MSRB3: variants seen among roughly 807,000 people sequenced by gnomAD.
MSRB3 encodes methionine-R-sulfoxide reductase B3.
A neutral mutation model predicts 21.0 loss-of-function variants in MSRB3; 13 were observed. The ratio of observed to expected loss-of-function variants is 0.62; its 90% confidence interval spans 0.40 to 0.98. The LOEUF (loss-of-function observed/expected upper bound fraction) is 0.98, where lower values mean the gene tolerates loss of function less well. Ranked by LOEUF, MSRB3 falls within the 50% of genes least tolerant of loss-of-function variation. The pLI is 0.00. For synonymous variants in MSRB3, 87 were observed against 88.6 expected (o/e 0.98, Z 0.10); for missense variants, 199 against 230.3 (o/e 0.86, Z 0.88).
At chr12:65,386,516 T>G (rs1205188746) in intron 5 of MSRB3, among the ~76,000 whole-genome samples, 1 of 151,948 alleles carries the variant, frequency 6.6e-6, no homozygotes, top group Non-Finnish European at 1.5e-5. Context: ...AAAGAAGGAA[T>G]TTGTTAGGTA....
At chr12:65,291,627 T>G (rs560303754) in intron 1 of MSRB3, among the ~76,000 whole-genome samples, 1 of 152,288 alleles carries the variant, frequency 6.6e-6, no homozygotes, top group East Asian at 1.9e-4. Context: ...AGGCACTAAC[T>G]TATCTAATCT....
At chr12:65,284,353 G>A (rs1872217026) in intron 1 of MSRB3, 2 of 152,234 alleles carry the variant, frequency 1.3e-5, no homozygotes, top group South Asian at 4.1e-4. Context: ...AACGAGAATA[G>A]CGGCACCGCA....
At chr12:65,347,331 T>C (rs1180800559) in intron 4 of MSRB3, among the ~76,000 whole-genome samples, 1 of 152,170 alleles carries the variant, frequency 6.6e-6, no homozygotes, top group African/African-American at 2.4e-5. Context: ...CTAGGTATTT[T>C]ATTCTCTTTG....
Position 65,304,779 on chromosome 12 carries a change from A to T in MSRB3, c.-51-3750A>T, listed in dbSNP as rs1161380998. 2.6e-5 allele frequency among the ~76,000 whole-genome samples: 4 copies of T among 152,238 alleles called. No homozygotes were observed. The East Asian group carries it at 7.7e-4, about 29-fold the overall frequency. ...CCTTCACTCAGACAGTTCAGGGAAT[A>T]CAAACGGGTGAAAGCTGCCGAATTG... On this transcript the variant is annotated intron_variant, in intron 1 of 6. Transcript: ENST00000308259.
intron 1 of MSRB3, among the ~76,000 whole-genome samples, chr12:65,301,706 C>G (rs559257160): frequency 6.6e-6 from 1 of 152,288 alleles, no homozygotes; most frequent in South Asian, 2.1e-4. Flanking sequence ...TGGTTTCAGA[C>G]TACCATTTGT....
At chr12:65,445,150 C>G (rs1447973791) in intron 5 of MSRB3, among the ~76,000 whole-genome samples, 1 of 152,084 alleles carries the variant, frequency 6.6e-6, no homozygotes, top group African/African-American at 2.4e-5. Flanking sequence ...TGATCCTGCC[C>G]TTCTTCACTG....
chr12:65,301,252 C>T (rs1052188111), intron 1 of MSRB3, among the ~76,000 whole-genome samples: 16 of 151,716 alleles, frequency 1.1e-4, no homozygotes, highest in African/African-American at 2.9e-4. Flanking sequence ...ATAACATATA[C>T]GAAAATGCCT....
At chr12:65,369,820 GA>G (rs984523419) in intron 5 of MSRB3, among the ~76,000 whole-genome samples, 4 of 152,066 alleles carry the variant, frequency 2.6e-5, no homozygotes, top group African/African-American at 9.7e-5. Flanking sequence ...ATAATTTACA[GA>G]AAAATATATA....
At chr12:65,381,169 A>G (rs1040964739) in intron 5 of MSRB3, among the ~76,000 whole-genome samples, 2 of 152,228 alleles carry the variant, frequency 1.3e-5, no homozygotes, top group African/African-American at 4.8e-5. Flanking sequence ...AACTGGTTCT[A>G]GAGAATTTAT....
chr12:65,297,227 G>A (rs1042333548), intron 1 of MSRB3, among the ~76,000 whole-genome samples: 2 of 152,012 alleles, frequency 1.3e-5, no homozygotes, highest in Admixed American at 6.6e-5. Flanking sequence ...TGGAGGGTGG[G>A]GTGAGGGGAG....
At chr12:65,342,037 A>G (rs1399112206) in intron 4 of MSRB3, among the ~76,000 whole-genome samples, 1 of 152,022 alleles carries the variant, frequency 6.6e-6, no homozygotes, top group Non-Finnish European at 1.5e-5. Flanking sequence ...CACTACTACA[A>G]TACAAGTTCT....
At chr12:65,420,347 T>C (rs1269329896) in intron 5 of MSRB3, among the ~76,000 whole-genome samples, 1 of 150,776 alleles carries the variant, frequency 6.6e-6, no homozygotes, top group Non-Finnish European at 1.5e-5. Context: ...ATTTTTTTTT[T>C]CCTTATGATT....
chr12:65,402,488 C>A (rs1370282369), intron 5 of MSRB3, among the ~76,000 whole-genome samples: 1 of 152,142 alleles, frequency 6.6e-6, no homozygotes, highest in Non-Finnish European at 1.5e-5. Context: ...CTTCTCTAAA[C>A]TGGTTATTCT....
intron 5 of MSRB3, among the ~76,000 whole-genome samples, chr12:65,433,081 A>G (rs1485954788): frequency 6.6e-6 from 1 of 151,994 alleles, no homozygotes; most frequent in African/African-American, 2.4e-5. Context: ...AAAAAATTAA[A>G]CATAGAATTA....
At chr12:65,447,695 G>A (rs1882682198) in intron 5 of MSRB3, among the ~76,000 whole-genome samples, 1 of 152,126 alleles carries the variant, frequency 6.6e-6, no homozygotes, top group Admixed American at 6.6e-5. Context: ...AGGGAACAAG[G>A]TTAGAGGCAG....
At chr12:65,284,589 A>G (rs1049484049) in intron 1 of MSRB3, 1 of 152,216 alleles carries the variant, frequency 6.6e-6, no homozygotes, top group Non-Finnish European at 1.5e-5. Context: ...CGAAGTGTGA[A>G]ACTGGAACTT....
intron 4 of MSRB3, among the ~76,000 whole-genome samples, chr12:65,362,235 T>A (rs1417871861): frequency 1.3e-5 from 2 of 152,140 alleles, no homozygotes; most frequent in Non-Finnish European, 2.9e-5. Context: ...CAGTTCTAAG[T>A]GGCATATCCT....
intron 4 of MSRB3, among the ~76,000 whole-genome samples, chr12:65,336,484 A>G (rs1875770730): frequency 6.6e-6 from 1 of 152,258 alleles, no homozygotes; most frequent in African/African-American, 2.4e-5. Context: ...TGAGGAAAGA[A>G]CAATCTTGCC....
chr12:65,348,045 T>C (rs1876648661), intron 4 of MSRB3, among the ~76,000 whole-genome samples: 1 of 152,166 alleles, frequency 6.6e-6, no homozygotes, highest in African/African-American at 2.4e-5. Flanking sequence ...TCTAAAATTC[T>C]CTTTTTTTGT....
Sources: gnomAD v4.1 joint callset for allele counts (sites outside exome capture counted in the v4.1 genomes callset) on GRCh38, gnomAD v4.1.1 for gene constraint, MANE v1.5 for transcripts, NCBI Gene and HGNC (gene_info 2026-07-23, HGNC 2026-07-21) for gene names.